SPOP: variants seen among roughly 807,000 people sequenced by gnomAD.
SPOP encodes the protein speckle type BTB/POZ protein, also known as speckle-type POZ protein.
In SPOP, 11 loss-of-function variants were observed where a neutral mutation model predicts 45.6. That is an observed-to-expected ratio of 0.24 (90% CI 0.15 to 0.40). SPOP has a LOEUF of 0.40. Among genes scored for constraint, SPOP ranks in the 10% least tolerant of loss-of-function variants. The pLI is 1.00. For synonymous variants in SPOP, 166 were observed against 166.3 expected (o/e 1.00, Z 0.01); for missense variants, 152 against 465.6 (o/e 0.33, Z 6.20).
chr17:49,659,720 T>A (rs1006884119), intron 1 of SPOP, among the ~76,000 whole-genome samples: 1 of 152,212 alleles, frequency 6.6e-6, no homozygotes, highest in Non-Finnish European at 1.5e-5. Flanking sequence ...CATTTCAAGC[T>A]CCACTCATAT....
At position 49,600,629 on chromosome 17, in the gene SPOP, A is replaced by G. The variant is rs1353459149; in HGVS notation, c.981-107T>C. ...CCACTGTTAGGTATAAAGGGTGTCA[A>G]TGCAAGAAACAGAAGAACCCTTAAT... On this transcript the variant is annotated intron_variant, in intron 9 of 9. Transcript: ENST00000504102. This position sits in a 1 kb window ranked among gnomAD's most constrained non-coding sequence, Gnocchi z 4.2. 1 of 1,266,892 alleles carries G rather than the reference A, an allele frequency of 7.9e-7. No homozygotes were observed. Among genetic ancestry groups the G allele is most frequent in the Non-Finnish European group, 1.1e-6 (1 of 898,640 alleles). The allele number at this position is 1,266,892 out of a possible 1,614,324, so 78.5% of individuals were successfully genotyped here. A position where few individuals can be genotyped will look rare whatever the true frequency, so the allele number is the denominator to read the frequency against.
chr17:49,656,226 GTCTA>G (rs2072911675), intron 1 of SPOP, among the ~76,000 whole-genome samples: 1 of 152,196 alleles, frequency 6.6e-6, no homozygotes, highest in Admixed American at 6.5e-5. Context: ...GTTGCAACTA[GTCTA>G]TCTATAGAGA....
intron 8 of SPOP, among the ~76,000 whole-genome samples, chr17:49,606,862 T>C (rs937859283): frequency 3.3e-5 from 5 of 152,200 alleles, no homozygotes; most frequent in African/African-American, 4.8e-5. Context: ...TACAAAGGGC[T>C]GTTTTACTGA....
Position 49,678,066 on chromosome 17 carries a change from C to A in SPOP, c.-200G>T. 1 of 399,100 alleles carries A rather than the reference C, an allele frequency of 2.5e-6. No homozygotes were observed. Among genetic ancestry groups the A allele is most frequent in the Non-Finnish European group, 4.4e-6 (1 of 226,300 alleles). 24.7% of individuals were successfully genotyped at this position (399,100 alleles called of 1,614,324 possible). ...CGGAGCGCGCACACTCACACACACACATACACACCGACACACACCAGCCGG... is the reference window on the plus strand; with the variant it reads ...CGGAGCGCGCACACTCACACACACAAATACACACCGACACACACCAGCCGG... On this transcript the variant is annotated 5_prime_UTR_variant, in exon 1 of 10. An upstream start codon of the reference 5' UTR is lost. Coordinates refer to ENST00000504102, the MANE Select transcript of SPOP (RefSeq NM_001007228.2).
chr17:49,659,754 A>G (rs1444200545), intron 1 of SPOP, among the ~76,000 whole-genome samples: 1 of 152,206 alleles, frequency 6.6e-6, no homozygotes, highest in East Asian at 1.9e-4. Flanking sequence ...ACATATTTAT[A>G]CTTAGCCTCA....
chr17:49,601,051 C>G (rs1378513575), intron 9 of SPOP: 1 of 153,962 alleles, frequency 6.5e-6, no homozygotes, highest in Non-Finnish European at 1.4e-5. Flanking sequence ...TGGGTCTCTC[C>G]CCTCCCTCTT....
intron 1 of SPOP, among the ~76,000 whole-genome samples, chr17:49,655,821 T>G (rs1288106759): frequency 6.6e-6 from 1 of 152,158 alleles, no homozygotes; most frequent in Non-Finnish European, 1.5e-5. Flanking sequence ...GAAAAAAATT[T>G]TTTTTTGAGA....
chr17:49,645,975 C>T (rs1034951238), intron 1 of SPOP: 2 of 152,076 alleles, frequency 1.3e-5, no homozygotes, highest in Non-Finnish European at 2.9e-5. Context: ...GGAAAAGATG[C>T]TCCCACTCCA....
intron 1 of SPOP, among the ~76,000 whole-genome samples, chr17:49,653,199 G>A (rs1312341970): frequency 6.6e-6 from 1 of 151,920 alleles, no homozygotes; most frequent in Non-Finnish European, 1.5e-5. Flanking sequence ...TGTTAAAATT[G>A]TATCTACTTT....
intron 1 of SPOP, among the ~76,000 whole-genome samples, chr17:49,641,034 G>C (rs991853745): frequency 6.6e-6 from 1 of 151,868 alleles, no homozygotes; most frequent in Non-Finnish European, 1.5e-5. Flanking sequence ...ATGCCGAGGC[G>C]GGTGGATCAC....
chr17:49,654,382 C>T (rs1709074285), intron 1 of SPOP, among the ~76,000 whole-genome samples: 1 of 152,192 alleles, frequency 6.6e-6, no homozygotes, highest in Admixed American at 6.5e-5. Flanking sequence ...TATGCTGCCA[C>T]CACAGCCAAC....
chr17:49,657,134 G>C lies in SPOP; in HGVS notation c.-67+20799C>G, dbSNP rs549415178. Reference sequence around the variant, plus strand: ...TGGGAGGCGGAGCTTGCAGTGAGCCGAGATTGCGCCGAGATTGCGCCACTG... The same window carrying C: ...TGGGAGGCGGAGCTTGCAGTGAGCCCAGATTGCGCCGAGATTGCGCCACTG... On this transcript the variant is annotated intron_variant, in intron 1 of 9. Transcript: ENST00000504102. 3.3e-3 allele frequency among the ~76,000 whole-genome samples: 492 copies of C among 149,966 alleles called. 1 individual carries two copies. The highest frequency in any genetic ancestry group is 0.012 in the African/African-American group (471 of 39,762).
At chr17:49,622,529 C>T (rs1190240858) in intron 2 of SPOP, 5 of 586,646 alleles carry the variant, frequency 8.5e-6, no homozygotes, top group South Asian at 2.1e-5. Flanking sequence ...CTTTCAACCT[C>T]CACTGAAAAA....
In SPOP at chr17:49,674,664, AG is replaced by A. The variant is rs2073177969; in HGVS notation, c.-67+3268del. 1.3e-5 allele frequency among the ~76,000 whole-genome samples: 2 copies of A among 152,262 alleles called. 1 individual carries two copies. Among genetic ancestry groups the A allele is most frequent in the African/African-American group, 4.8e-5 (2 of 41,470 alleles). On this transcript the variant is annotated intron_variant, in intron 1 of 9. Transcript: ENST00000504102. ...TTCAATTTCTCACCAGAATAACAGC[AG>A]TTTACTTGGATAAACAATTTAAAGT... is the stretch of plus-strand genomic sequence containing the variant.
At chr17:49,675,378 T>A (rs1030823693) in intron 1 of SPOP, among the ~76,000 whole-genome samples, 1 of 152,216 alleles carries the variant, frequency 6.6e-6, no homozygotes. Flanking sequence ...GCATAGTGTC[T>A]TATTGTGTAA....
intron 1 of SPOP, among the ~76,000 whole-genome samples, chr17:49,657,849 G>A (rs533085107): frequency 1.3e-5 from 2 of 151,690 alleles, no homozygotes; most frequent in South Asian, 2.1e-4. Context: ...CTACAGCAGC[G>A]TGTCACCACA....
At chr17:49,632,562 G>T (rs943249797) in intron 1 of SPOP, among the ~76,000 whole-genome samples, 1 of 151,162 alleles carries the variant, frequency 6.6e-6, no homozygotes, top group Non-Finnish European at 1.5e-5. Context: ...GCATGGTCTC[G>T]GCTCACTGCA....
chr17:49,625,668 C>A (rs2072314425), intron 1 of SPOP, among the ~76,000 whole-genome samples: 1 of 151,324 alleles, frequency 6.6e-6, no homozygotes. Context: ...AAACACAGAG[C>A]TAATAAAAAA....
At chr17:49,624,371 T>G (rs1422279548) in intron 1 of SPOP, among the ~76,000 whole-genome samples, 2 of 149,068 alleles carry the variant, frequency 1.3e-5, no homozygotes, top group Non-Finnish European at 3.0e-5. Context: ...ACACGGTAAC[T>G]GTCAGATAAT....
Sources: gnomAD v4.1 joint callset for allele counts (sites outside exome capture counted in the v4.1 genomes callset) on GRCh38, gnomAD v4.1.1 for gene constraint, Gnocchi (gnomAD v3.1) non-coding constraint, MANE v1.5 for transcripts, NCBI Gene and HGNC (gene_info 2026-07-23, HGNC 2026-07-21) for gene names.